Variants in GLT8D2 observed in about 807,000 individuals in gnomAD.
GLT8D2 encodes glycosyltransferase 8 domain containing 2.
A neutral mutation model predicts 44.5 loss-of-function variants in GLT8D2; 45 were observed. That is an observed-to-expected ratio of 1.01 (90% CI 0.80 to 1.30). GLT8D2 has a LOEUF of 1.30. Among genes scored for constraint, GLT8D2 ranks in the 50% most tolerant of loss-of-function variants. GLT8D2 has a pLI of 0.00. For missense variants in GLT8D2, 400 were observed against 430.4 expected, an observed-to-expected ratio of 0.93 and a Z score of 0.62; for synonymous variants, 156 against 157.2, an observed-to-expected ratio of 0.99 and a Z score of 0.06.
intron 1 of GLT8D2, among the ~76,000 whole-genome samples, chr12:104,022,315 A>G (rs1303388992): frequency 1.3e-5 from 2 of 152,146 alleles, no homozygotes; most frequent in Admixed American, 6.5e-5. Flanking sequence ...AGAAGGGAAC[A>G]CAAATGGAAA....
intron 4 of GLT8D2, among the ~76,000 whole-genome samples, chr12:104,010,162 T>C (rs549175084): frequency 6.6e-6 from 1 of 152,342 alleles, no homozygotes; most frequent in East Asian, 1.9e-4. Flanking sequence ...TGCTGAAAGT[T>C]CCTCATTGGT....
intron 6 of GLT8D2, among the ~76,000 whole-genome samples, chr12:103,998,416 A>G (rs11111866): frequency 6.7e-6 from 1 of 148,156 alleles, no homozygotes; most frequent in Non-Finnish European, 1.5e-5. Context: ...TTAAAAAAAA[A>G]TTTTTTTTTT....
chr12:104,048,407 A>G lies in GLT8D2; in HGVS notation c.-164+1488T>C, dbSNP rs1456451869. ...CTTGCGATCTCTAAGAGGGTAATAT[A>G]GTTCACAGAGTTTCCCATGGGACTA... is the stretch of plus-strand genomic sequence containing the variant. On this transcript the variant is annotated intron_variant, in intron 1 of 10. Coordinates refer to ENST00000360814, the MANE Select transcript of GLT8D2 (RefSeq NM_001384711.1). 2.0e-5 allele frequency among the ~76,000 whole-genome samples: 3 copies of G among 152,220 alleles called. No homozygotes were observed. In the East Asian group the frequency reaches 5.8e-4, roughly 29 times the overall value.
chr12:103,996,648 G>C (rs773857365), intron 8 of GLT8D2, 87 bp downstream of exon 8: 1 of 926,364 alleles, frequency 1.1e-6, no homozygotes, highest in Non-Finnish European at 1.7e-6. Flanking sequence ...TTGAGGTGGA[G>C]GTTACACTCA....
At chr12:104,014,111 C>T (rs1043195942) in intron 4 of GLT8D2, 2 of 540,192 alleles carry the variant, frequency 3.7e-6, no homozygotes, top group Non-Finnish European at 3.3e-6. Context: ...TGCCTGTAAT[C>T]CCAGCACTTT....
intron 1 of GLT8D2, among the ~76,000 whole-genome samples, chr12:104,033,726 C>G (rs1454278422): frequency 6.6e-6 from 1 of 151,944 alleles, no homozygotes; most frequent in Non-Finnish European, 1.5e-5. Flanking sequence ...GTAATCATTT[C>G]ACAATGTGTA....
chr12:103,995,331 T>G (rs1873275509), intron 8 of GLT8D2, among the ~76,000 whole-genome samples: 1 of 152,140 alleles, frequency 6.6e-6, no homozygotes, highest in African/African-American at 2.4e-5. Flanking sequence ...CCTTTCCAAC[T>G]CCTGTTATTC....
chr12:104,005,698 A>G (rs1467016418), intron 4 of GLT8D2, among the ~76,000 whole-genome samples: 3 of 152,342 alleles, frequency 2.0e-5, no homozygotes, highest in African/African-American at 7.2e-5. Context: ...ATCTCACACC[A>G]GTTAGAATGG....
At chr12:104,023,467 T>C (rs192813530) in intron 1 of GLT8D2, among the ~76,000 whole-genome samples, 2 of 152,376 alleles carry the variant, frequency 1.3e-5, no homozygotes, top group African/African-American at 2.4e-5. Flanking sequence ...ATAGGCTTCT[T>C]TTCCATGACA....
At chr12:104,041,682 C>T (rs980733498) in intron 1 of GLT8D2, among the ~76,000 whole-genome samples, 1 of 152,218 alleles carries the variant, frequency 6.6e-6, no homozygotes, top group East Asian at 1.9e-4. Flanking sequence ...ATTCAACAAA[C>T]ATTTACTCAA....
rs2136249785 is a variant in GLT8D2 at position 103,989,324 on chromosome 12, A to G, written c.*84T>C. The stretch of plus-strand genomic sequence containing the variant: ...GTGGATCATATGTATCAAAGGTAAT[A>G]TTCATAAAGAACAATGTTATAGTTG... On this transcript the variant is annotated 3_prime_UTR_variant, in exon 11 of 11. Transcript: ENST00000360814. 1.7e-6 allele frequency: 2 copies of G among 1,182,230 alleles called. No individual in the cohort carries two copies. The highest frequency in any genetic ancestry group is 4.8e-5 in the East Asian group (2 of 41,486). The allele number at this position is 1,182,230 out of a possible 1,614,324, so 73.2% of individuals were successfully genotyped here. A position where few individuals can be genotyped will look rare whatever the true frequency, so the allele number is the denominator to read the frequency against.
intron 2 of GLT8D2, 43 bp from the exon 3 acceptor site, chr12:104,019,719 C>A: frequency 1.5e-6 from 2 of 1,326,524 alleles, no homozygotes; most frequent in Non-Finnish European, 2.1e-6. Context: ...GGAGAATCAA[C>A]TTAAAACTCA....
chr12:103,996,820 G>A lies in GLT8D2; in HGVS notation c.515C>T (p.Thr172Ile), dbSNP rs141060407. Residue 172 changes from threonine to isoleucine, a missense_variant, in exon 8 of 11, where the codon ACC becomes ATC. Physicochemically the swap from Thr to Ile is moderately conservative, Grantham distance 89 (BLOSUM62 -1). Coordinates refer to ENST00000360814, the MANE Select transcript of GLT8D2 (RefSeq NM_001384711.1). Reference sequence around the variant, plus strand: ...AGCCGCCGCGTGGCCCAGGGCCAAGGTGGTGTCATACAGTTCTTGGATATC... The same window carrying A: ...AGCCGCCGCGTGGCCCAGGGCCAAGATGGTGTCATACAGTTCTTGGATATC... ...QGDIQELYDT[T>I]LALGHAAAFS... 2.5e-6 allele frequency: 4 copies of A among 1,613,822 alleles called. No homozygotes were observed. The African/African-American group carries it at 4.0e-5, about 16-fold the overall frequency.
intron 3 of GLT8D2, among the ~76,000 whole-genome samples, 187 bp downstream of exon 3, chr12:104,019,443 G>A (rs1239602504): frequency 2.0e-5 from 3 of 152,060 alleles, no homozygotes; most frequent in East Asian, 1.9e-4. Flanking sequence ...GTCCACTTCT[G>A]ACTAAAATAC....
At position 104,056,773 on chromosome 12, in the gene GLT8D2, T is replaced by A. The variant is rs535680814; in HGVS notation, c.-422-6485A>T. Among the ~76,000 whole-genome samples the A allele has an allele frequency of 8.5e-5, 13 of 152,354 alleles. No homozygotes were observed. In the South Asian group the frequency reaches 2.7e-3, roughly 32 times the overall value. ...TCAGTCCACAAAATTACTATGTAAA[T>A]AACAGATGCACGCCATGGTCAGTGA... On this transcript the variant is annotated intron_variant, in intron 1 of 10. Transcript: ENST00000548660.
chr12:104,003,452 C>T (rs1431353607), intron 4 of GLT8D2, 146 bp from the exon 5 acceptor site: 1 of 741,318 alleles, frequency 1.3e-6, no homozygotes, highest in Non-Finnish European at 2.2e-6. Context: ...TTCTGTCTTC[C>T]CTTAGAAAAG....
chr12:103,991,669 T>G (rs892345365), intron 10 of GLT8D2, among the ~76,000 whole-genome samples: 1 of 152,106 alleles, frequency 6.6e-6, no homozygotes, highest in Non-Finnish European at 1.5e-5. Context: ...CCAACATGAC[T>G]ATAAATCAAA....
chr12:103,992,348 C>T (rs1872846029), intron 10 of GLT8D2, among the ~76,000 whole-genome samples: 1 of 152,154 alleles, frequency 6.6e-6, no homozygotes, highest in African/African-American at 2.4e-5. Context: ...TTAATGGCAG[C>T]TTTCTGAATT....
intron 1 of GLT8D2, among the ~76,000 whole-genome samples, chr12:104,047,743 A>T (rs1881326162): frequency 1.3e-5 from 2 of 152,110 alleles, no homozygotes; most frequent in African/African-American, 4.8e-5. Context: ...TTTTGGGGGG[A>T]CACAAACCTT....
Sources: allele counts gnomAD v4.1 joint callset (sites outside exome capture counted in the v4.1 genomes callset), GRCh38; gene constraint gnomAD v4.1.1; transcripts MANE v1.5; gene names NCBI Gene and HGNC (gene_info 2026-07-23, HGNC 2026-07-21).